SYK: variants seen among roughly 807,000 people sequenced by gnomAD.
SYK encodes the protein tyrosine-protein kinase SYK.
In SYK, 16 loss-of-function variants were observed where a neutral mutation model predicts 77.8. That is an observed-to-expected ratio of 0.21 (90% CI 0.14 to 0.31). SYK has a LOEUF of 0.31. SYK is among the 10% of genes least tolerant of loss of function. SYK has a pLI of 1.00. For missense variants in SYK, 529 were observed against 814.4 expected (o/e 0.65, Z 4.26); for synonymous variants, 312 against 308.7 (o/e 1.01, Z -0.11).
At chr9:90,878,279 G>A (rs1341770373) in intron 10 of SYK, among the ~76,000 whole-genome samples, 2 of 152,280 alleles carry the variant, frequency 1.3e-5, no homozygotes, top group African/African-American at 4.8e-5. Context: ...TAAAGCTGTT[G>A]TTGAGATGAA....
At chr9:90,825,032 A>G (rs1400596083) in intron 1 of SYK, among the ~76,000 whole-genome samples, 4 of 152,154 alleles carry the variant, frequency 2.6e-5, no homozygotes, top group African/African-American at 7.2e-5. Flanking sequence ...ATCAATATAC[A>G]AAAGTCGGTT....
chr9:90,884,200 T>TACGTGTATATATACACGCATATACAC (rs1828288672), intron 11 of SYK, among the ~76,000 whole-genome samples: 7 of 151,638 alleles, frequency 4.6e-5, no homozygotes, highest in Non-Finnish European at 1.0e-4. Context: ...CACATACACA[T>TACGTGTATATATACACGCATATACAC]ACGTGTATAT....
At chr9:90,850,843 G>A (rs1451868791) in intron 3 of SYK, among the ~76,000 whole-genome samples, 1 of 151,082 alleles carries the variant, frequency 6.6e-6, no homozygotes, top group East Asian at 1.9e-4. Flanking sequence ...TGCTCAAACA[G>A]ACCTTGAAAA....
At chr9:90,853,349 G>T (rs993742592) in intron 3 of SYK, among the ~76,000 whole-genome samples, 1 of 151,334 alleles carries the variant, frequency 6.6e-6, no homozygotes, top group Non-Finnish European at 1.5e-5. Context: ...GAGCAGGGCA[G>T]ACCCAGCCAT....
intron 1 of SYK, among the ~76,000 whole-genome samples, chr9:90,839,673 G>T (rs1864202): frequency 0.25 from 37,559 of 152,070 alleles, 4,804 homozygotes; most frequent in South Asian, 0.29. Context: ...TTAAAATTTT[G>T]TTCCTACAAA....
chr9:90,866,232 G>A (rs1025617657), intron 6 of SYK, among the ~76,000 whole-genome samples: 5 of 152,164 alleles, frequency 3.3e-5, no homozygotes, highest in African/African-American at 1.2e-4. Context: ...AATGCCATCT[G>A]TGAAGTGCGC....
intron 10 of SYK, 45 bp downstream of exon 10, chr9:90,877,825 G>A (rs190721910): frequency 3.3e-4 from 529 of 1,607,260 alleles, no homozygotes; most frequent in Non-Finnish European, 4.2e-4. Context: ...TCCCCTAAGG[G>A]ACAGGGCCCA....
chr9:90,882,896 T>G (rs1828211839), intron 11 of SYK, among the ~76,000 whole-genome samples: 1 of 152,040 alleles, frequency 6.6e-6, no homozygotes, highest in Admixed American at 6.6e-5. Flanking sequence ...TCCCCAGGGC[T>G]CCACATTCCA....
At chr9:90,888,654 T>C (rs1440205066) in intron 13 of SYK, 27 bp downstream of exon 13, 4 of 1,496,086 alleles carry the variant, frequency 2.7e-6, no homozygotes, top group Non-Finnish European at 3.6e-6. Flanking sequence ...GACTGTGATG[T>C]ATTCAGATGC....
At chr9:90,817,884 AG>A (rs1825352780) in intron 1 of SYK, among the ~76,000 whole-genome samples, 1 of 31,164 alleles carries the variant, frequency 3.2e-5, no homozygotes, top group Non-Finnish European at 9.0e-5. Flanking sequence ...TGTGTGTGTG[AG>A]AGAGAGAGAG....
intron 9 of SYK, among the ~76,000 whole-genome samples, chr9:90,876,057 A>G (rs184379697): frequency 1.3e-4 from 20 of 152,278 alleles, no homozygotes; most frequent in African/African-American, 4.8e-4. Flanking sequence ...AGGCCAAGGT[A>G]GGTGGATCAC....
Position 90,894,399 on chromosome 9 carries a change from G to A in SYK, c.1836-1129G>A, listed in dbSNP as rs543795269. Among the ~76,000 whole-genome samples, 37 of 152,268 alleles carry A rather than the reference G, an allele frequency of 2.4e-4. No individual in the cohort carries two copies. In the South Asian group the frequency reaches 3.1e-3, roughly 13 times the overall value. ...GATGGCTGACCACACTGATCAATTCGAGCAGTTTTATCATTTTGCTCACTA... is the reference window on the plus strand; with the variant it reads ...GATGGCTGACCACACTGATCAATTCAAGCAGTTTTATCATTTTGCTCACTA... On this transcript the variant is annotated intron_variant, in intron 13 of 13. Transcript: ENST00000375754.
At chr9:90,850,001 T>C (rs184280677) in intron 3 of SYK, among the ~76,000 whole-genome samples, 233 of 152,306 alleles carry the variant, frequency 1.5e-3, no homozygotes, top group Middle Eastern at 6.8e-3. Flanking sequence ...GCAAACTCTT[T>C]CCATCCCTGC....
chr9:90,840,345 G>T (rs906355965), intron 1 of SYK, among the ~76,000 whole-genome samples: 1 of 152,078 alleles, frequency 6.6e-6, no homozygotes, highest in African/African-American at 2.4e-5. Flanking sequence ...GGCTGCAGGG[G>T]AAACAATGGA....
In SYK at chr9:90,821,499, G is replaced by A. The variant is rs540574253; in HGVS notation, c.-42+19606G>A. The stretch of plus-strand genomic sequence containing the variant: ...CTGATAAACCCATTAGATCTCATGA[G>A]ACTTATTCACTACCATGAGAATAGC... On this transcript the variant is annotated intron_variant, in intron 1 of 13. Coordinates refer to ENST00000375754, the MANE Select transcript of SYK (RefSeq NM_003177.7). Among the ~76,000 whole-genome samples the A allele has an allele frequency of 3.3e-5, 5 of 152,320 alleles. No individual in the cohort carries two copies. The East Asian group carries it at 5.8e-4, about 18-fold the overall frequency.
intron 1 of SYK, among the ~76,000 whole-genome samples, chr9:90,833,993 C>G (rs1377648661): frequency 6.6e-6 from 1 of 152,184 alleles, no homozygotes; most frequent in Non-Finnish European, 1.5e-5. Context: ...CAGAAAGAAT[C>G]AAAGCCTGTA....
intron 1 of SYK, among the ~76,000 whole-genome samples, chr9:90,831,016 T>C (rs372645324): frequency 2.0e-5 from 3 of 152,348 alleles, no homozygotes; most frequent in African/African-American, 2.4e-5. Flanking sequence ...TTGAGGGGGC[T>C]GTGTGGTTTG....
At chr9:90,861,453 C>T (rs528913931) in intron 3 of SYK, among the ~76,000 whole-genome samples, 1 of 152,272 alleles carries the variant, frequency 6.6e-6, no homozygotes, top group East Asian at 1.9e-4. Context: ...GGGTGTTACC[C>T]GACAATATCA....
intron 6 of SYK, among the ~76,000 whole-genome samples, chr9:90,865,714 C>G (rs1027547158): frequency 6.6e-6 from 1 of 152,046 alleles, no homozygotes; most frequent in African/African-American, 2.4e-5. Flanking sequence ...AGGCCTCTTG[C>G]AATATTTGAG....
Sources: gnomAD v4.1 joint callset for allele counts (sites outside exome capture counted in the v4.1 genomes callset) on GRCh38, gnomAD v4.1.1 for gene constraint, MANE v1.5 for transcripts, NCBI Gene and HGNC (gene_info 2026-07-23, HGNC 2026-07-21) for gene names.